The following KMT2C variants were observed in gnomAD, a reference collection of about 807,000 sequenced individuals.
KMT2C encodes histone-lysine N-methyltransferase 2C.
A neutral mutation model predicts 507.9 loss-of-function variants in KMT2C; 88 were observed. That is an observed-to-expected ratio of 0.17 (90% confidence interval 0.15 to 0.21). The LOEUF (loss-of-function observed/expected upper bound fraction) is 0.21. Among genes scored for constraint, KMT2C ranks in the 10% least tolerant of loss-of-function variants. The probability of loss-of-function intolerance (pLI) is 1.00; values close to 1 mark genes in which losing one functional copy is unlikely to be tolerated. For synonymous variants in KMT2C, 2,049 were observed against 2,080.8 expected (o/e 0.98, Z 0.42); for missense variants, 4,954 against 5,957.8 (o/e 0.83, Z 5.55).
intron 2 of KMT2C, among the ~76,000 whole-genome samples, chr7:152,358,162 G>T (rs1011642313): frequency 2.6e-5 from 4 of 152,136 alleles, no homozygotes; most frequent in African/African-American, 9.7e-5. Flanking sequence ...GAAACTATTT[G>T]GTCTAGTTTG....
chr7:152,194,435 T>C lies in KMT2C; in HGVS notation c.4507+5A>G, dbSNP rs2129129571. 1 of 1,613,136 alleles carries C rather than the reference T, an allele frequency of 6.2e-7. No individual in the cohort carries two copies. Among genetic ancestry groups the C allele is most frequent in the Non-Finnish European group, 8.5e-7 (1 of 1,179,386 alleles). Reference sequence around the variant, plus strand: ...GAAAGCCTAGATGTAGGGCAAATATTTTACCATCTGTGACCATTTTGTCTA... The same window carrying C: ...GAAAGCCTAGATGTAGGGCAAATATCTTACCATCTGTGACCATTTTGTCTA... On this transcript the variant is annotated splice_donor_5th_base_variant and intron_variant, in intron 29 of 58. Coordinates refer to ENST00000262189, the MANE Select transcript of KMT2C (RefSeq NM_170606.3).
In KMT2C at chr7:152,146,610, T is replaced by C. The variant is rs763570642; in HGVS notation, c.14020A>G (p.Ile4674Val). Residue 4674 changes from isoleucine to valine, a missense_variant, in exon 53 of 59, where the codon ATA becomes GTA. Physicochemically the swap from Ile to Val is conservative, Grantham distance 29. Around this residue, in one of 29 missense-constraint regions of KMT2C, gnomAD observed 221 missense variants for 304.7 expected, o/e 0.73. Coordinates refer to ENST00000262189, the MANE Select transcript of KMT2C (RefSeq NM_170606.3). The part of the protein sequence containing the change: ...FGLTVSAVAR[I>V]AESLPGVEAC... Reference sequence around the variant, plus strand: ...ACCAAGACACTCACTGATTCCGCTATGCGTGCCACTGCAGAGACGGTCAGG... The same window carrying C: ...ACCAAGACACTCACTGATTCCGCTACGCGTGCCACTGCAGAGACGGTCAGG... The C allele has an allele frequency of 1.9e-6, 3 of 1,614,212 alleles. No homozygotes were observed. The highest frequency in any genetic ancestry group is 2.2e-5 in the East Asian group (1 of 44,890).
intron 31 of KMT2C, among the ~76,000 whole-genome samples, chr7:152,190,705 T>A (rs1452645858): frequency 6.6e-6 from 1 of 152,174 alleles, no homozygotes; most frequent in African/African-American, 2.4e-5. Flanking sequence ...TCTATCTCAA[T>A]CTTGAAAATT....
intron 6 of KMT2C, among the ~76,000 whole-genome samples, chr7:152,280,671 G>T (rs1377071674): frequency 6.6e-6 from 1 of 152,148 alleles, no homozygotes; most frequent in Non-Finnish European, 1.5e-5. Flanking sequence ...TTTGAATCTT[G>T]TGAGACCTTA....
chr7:152,338,988 T>C (rs2096964644), intron 2 of KMT2C, among the ~76,000 whole-genome samples: 1 of 152,322 alleles, frequency 6.6e-6, no homozygotes, highest in African/African-American at 2.4e-5. Context: ...CATTTTGATT[T>C]TGAACAATTA....
intron 14 of KMT2C, among the ~76,000 whole-genome samples, chr7:152,240,807 A>G (rs2095368692): frequency 6.6e-6 from 1 of 152,032 alleles, no homozygotes; most frequent in Non-Finnish European, 1.5e-5. Flanking sequence ...ACTTCTTGTC[A>G]CTTCCACCAC....
chr7:152,411,631 G>A (rs7798121), intron 1 of KMT2C, among the ~76,000 whole-genome samples: 1 of 125,444 alleles, frequency 8.0e-6, no homozygotes, highest in African/African-American at 2.9e-5. Context: ...CCAAAGCCCA[G>A]ATCAGGGACT....
intron 9 of KMT2C, among the ~76,000 whole-genome samples, chr7:152,255,124 T>TATATATATATATATATAC (rs2095631456): frequency 1.8e-5 from 2 of 113,210 alleles, no homozygotes; most frequent in African/African-American, 9.5e-5. Flanking sequence ...TATATATATA[T>TATATATATATATATATAC]ATATATATAT....
chr7:152,411,032 T>C (rs1289299340), intron 1 of KMT2C, among the ~76,000 whole-genome samples: 3 of 151,188 alleles, frequency 2.0e-5, no homozygotes, highest in Non-Finnish European at 3.0e-5. Context: ...TGTGTGTATA[T>C]ATGTATATGT....
chr7:152,145,644 C>T (rs370013292), intron 53 of KMT2C, among the ~76,000 whole-genome samples: 2 of 152,158 alleles, frequency 1.3e-5, no homozygotes, highest in East Asian at 1.9e-4. Context: ...TGTAATGATT[C>T]GCATTGAGTT....
At chr7:152,290,284 ATATATATATATTTTTTTTTTTTTTTTTT>A (rs2096399778) in intron 6 of KMT2C, among the ~76,000 whole-genome samples, 2 of 33,974 alleles carry the variant, frequency 5.9e-5, no homozygotes, top group Admixed American at 4.3e-4. Flanking sequence ...ATATATATAT[ATATATATATATTTTTTTTTTTTTTTTTT>A]TTTTTTTTTT....
chr7:152,178,046 A>T (rs2129116010), intron 37 of KMT2C, 36 bp from the exon 38 acceptor site: 1 of 1,374,332 alleles, frequency 7.3e-7, no homozygotes, highest in Non-Finnish European at 9.4e-7. Flanking sequence ...AAAAAAAGCA[A>T]ATAGGTATTA....
At chr7:152,368,493 G>C in intron 1 of KMT2C, 1 of 1,284,718 alleles carries the variant, frequency 7.8e-7, no homozygotes, top group Non-Finnish European at 1.1e-6. Flanking sequence ...AGCTCCAGTG[G>C]CGCCGTGAGC....
Position 152,251,943 on chromosome 7 carries a change from A to G in KMT2C, c.1617T>C (p.Thr539=), listed in dbSNP as rs749401493. ...PGEEVEIAEL[T]TDYNNEMEVE... ...AAAAATCATTCTCAAATTTACCTGT[A>G]GTGAGCTCAGCTATCTCCACTTCCT... Residue 539 remains threonine (T), a synonymous_variant, in exon 11 of 59, where the codon ACT becomes ACC. Transcript: ENST00000262189. 10 of 1,594,976 alleles carry G rather than the reference A, an allele frequency of 6.3e-6. No individual in the cohort carries two copies. In the Admixed American group the frequency reaches 1.4e-4, roughly 22 times the overall value.
chr7:152,257,255 A>G (rs2095675959), intron 9 of KMT2C, among the ~76,000 whole-genome samples: 1 of 152,224 alleles, frequency 6.6e-6, no homozygotes, highest in Admixed American at 6.5e-5. Flanking sequence ...AAAAAGCAAC[A>G]TGCAAAAGAA....
intron 1 of KMT2C, among the ~76,000 whole-genome samples, chr7:152,360,103 A>G: frequency 6.6e-6 from 1 of 151,050 alleles, no homozygotes; most frequent in Admixed American, 6.6e-5. Context: ...GAAATAAAAG[A>G]ATAATATGAA....
At chr7:152,419,975 CTGAGA>C (rs2097768440) in intron 1 of KMT2C, among the ~76,000 whole-genome samples, 1 of 152,192 alleles carries the variant, frequency 6.6e-6, no homozygotes, top group Non-Finnish European at 1.5e-5. Flanking sequence ...TTCAGTTCCT[CTGAGA>C]TAAGTTCTTC....
In KMT2C at chr7:152,179,932, G is replaced by A. The variant is rs2129118063; in HGVS notation, c.7344C>T (p.Ala2448=). 1.9e-6 allele frequency: 3 copies of A among 1,614,024 alleles called. No homozygotes were observed. Among genetic ancestry groups the A allele is most frequent in the Non-Finnish European group, 2.5e-6 (3 of 1,179,956 alleles). The stretch of plus-strand genomic sequence containing the variant: ...CAGCATATCTAGGTCCTAAAGGAGG[G>A]GCAACAGGAGACCTAATGTTCCCAG... ...PYPGNIRSPV[A]PPLGPRYAVF... is the part of the protein sequence containing the mutation. Residue 2448 remains alanine, a synonymous_variant, in exon 37 of 59, where the codon GCC becomes GCT. Coordinates refer to ENST00000262189, the MANE Select transcript of KMT2C (RefSeq NM_170606.3).
chr7:152,139,868 C>G, intron 55 of KMT2C, 77 bp from the exon 56 acceptor site: 1 of 986,188 alleles, frequency 1.0e-6, no homozygotes, highest in Admixed American at 2.0e-5. Context: ...AAGGTTTCAC[C>G]CTCGGGTCTT....
Sources: allele counts gnomAD v4.1 joint callset (sites outside exome capture counted in the v4.1 genomes callset), GRCh38; gene constraint gnomAD v4.1.1; regional missense constraint gnomAD v4.1.1; transcripts MANE v1.5; gene names NCBI Gene and HGNC (gene_info 2026-07-23, HGNC 2026-07-21).